The following C3orf33 variants were observed in gnomAD, a reference collection of about 807,000 sequenced individuals.
The protein encoded by C3orf33 is mitochondrial inner membrane subdomain organizer 1, also known as AP-1 activity suppressor.
A neutral mutation model predicts 28.7 loss-of-function variants in C3orf33; 23 were observed. The ratio of observed to expected loss-of-function variants is 0.80; its 90% confidence interval spans 0.58 to 1.13. The LOEUF (loss-of-function observed/expected upper bound fraction) is 1.13. Among genes scored for constraint, C3orf33 ranks in the 50% most tolerant of loss-of-function variants. The probability of loss-of-function intolerance (pLI) is 0.00; values close to 1 mark genes in which losing one functional copy is unlikely to be tolerated. For missense variants in C3orf33, 327 were observed against 353.4 expected (o/e 0.93, Z 0.60); for synonymous variants, 119 against 120.5 (o/e 0.99, Z 0.08).
chr3:155,779,731 G>T (rs1233025519), intron 2 of C3orf33, among the ~76,000 whole-genome samples: 2 of 152,176 alleles, frequency 1.3e-5, no homozygotes, highest in African/African-American at 4.8e-5. Context: ...AGAGTTAAAA[G>T]AAGTAGGATG....
Position 155,763,691 on chromosome 3 carries a change from C to G in C3orf33, c.711G>C (p.Trp237Cys). The G allele has an allele frequency of 1.3e-6, 2 of 1,593,404 alleles. No individual in the cohort carries two copies. Among genetic ancestry groups the G allele is most frequent in the Admixed American group, 3.7e-5 (2 of 54,144 alleles). ...EKFKDSWREI[W>C]KKDSFLKTTG... Reference sequence around the variant, plus strand: ...TTGTTTTTAAAAAACTGTCCTTTTTCCATATTTCTCTCCAGGAATCTTTGA... The same window carrying G: ...TTGTTTTTAAAAAACTGTCCTTTTTGCATATTTCTCTCCAGGAATCTTTGA... The change falls in exon 5 of 5, where the codon TGG becomes TGC. Residue 237 changes from tryptophan to cysteine, a missense_variant. Trp to Cys is a radical substitution (Grantham distance 215). Transcript: ENST00000340171.
chr3:155,784,729 A>T (rs955390271), intron 2 of C3orf33, among the ~76,000 whole-genome samples: 7 of 151,788 alleles, frequency 4.6e-5, no homozygotes, highest in East Asian at 3.9e-4. Context: ...CTGTCTCAAA[A>T]AAAATAAAAT....
At chr3:155,774,687 T>C (rs1307721429) in intron 3 of C3orf33, among the ~76,000 whole-genome samples, 3 of 100,686 alleles carry the variant, frequency 3.0e-5, no homozygotes, top group Admixed American at 1.1e-4. Context: ...TTTTTTTTTT[T>C]AGCTCATCAG....
intron 2 of C3orf33, among the ~76,000 whole-genome samples, chr3:155,797,778 T>G (rs576230277): frequency 6.6e-6 from 1 of 152,102 alleles, no homozygotes; most frequent in Non-Finnish European, 1.5e-5. Context: ...CATCGAAAAC[T>G]ATAATACACT....
intron 2 of C3orf33, 87 bp from the exon 3 acceptor site, chr3:155,775,935 A>G: frequency 1.0e-6 from 1 of 971,062 alleles, no homozygotes; most frequent in Non-Finnish European, 1.6e-6. Flanking sequence ...AACATTTCAC[A>G]AGAGTACATA....
intron 1 of C3orf33, among the ~76,000 whole-genome samples, chr3:155,805,310 C>A (rs530827245): frequency 5.0e-5 from 7 of 141,312 alleles, no homozygotes; most frequent in African/African-American, 1.8e-4. Context: ...AAACAAAAAA[C>A]AAATTAGCCT....
At chr3:155,797,556 C>A (rs926851749) in intron 2 of C3orf33, among the ~76,000 whole-genome samples, 4 of 152,024 alleles carry the variant, frequency 2.6e-5, no homozygotes, top group African/African-American at 9.7e-5. Flanking sequence ...TTCGAAAAAA[C>A]CTAAAGACTC....
At chr3:155,791,897 G>C (rs1352723869) in intron 2 of C3orf33, among the ~76,000 whole-genome samples, 2 of 151,990 alleles carry the variant, frequency 1.3e-5, no homozygotes, top group East Asian at 3.9e-4. Flanking sequence ...CTGAGACTGG[G>C]AGAAGTCACC....
At chr3:155,800,984 C>T (rs73159030) in intron 2 of C3orf33, among the ~76,000 whole-genome samples, 89 of 152,190 alleles carry the variant, frequency 5.8e-4, no homozygotes, top group Middle Eastern at 3.4e-3. Context: ...TTAGTGGTAA[C>T]ATAAAATAGT....
chr3:155,769,434 G>A (rs1396869462), intron 3 of C3orf33, among the ~76,000 whole-genome samples: 6 of 147,400 alleles, frequency 4.1e-5, no homozygotes, highest in Non-Finnish European at 8.9e-5. Context: ...GCTGAAGTGA[G>A]CCAAGATCGC....
Position 155,763,733 on chromosome 3 carries a change from T to A in C3orf33, c.669A>T (p.Glu223Asp), listed in dbSNP as rs764618620. ...AATCTTTGAATTTTTCTAAGTAACT[T>A]TCTTTTTCAGAGTCTTCCTTCCATA... Reference protein sequence around the residue: ...EGIWKEDSEKESYLEKFKDSW... With the variant: ...EGIWKEDSEKDSYLEKFKDSW... Residue 223 changes from glutamate to aspartate, a missense_variant, in exon 5 of 5, where the codon GAA becomes GAT. Transcript: ENST00000340171. 13 of 1,595,304 alleles carry A rather than the reference T, an allele frequency of 8.1e-6. No homozygotes were observed. The highest frequency in any genetic ancestry group is 1.7e-4 in the Middle Eastern group (1 of 5,970).
Position 155,806,268 on chromosome 3 carries a change from C to T in C3orf33, c.-16G>A, listed in dbSNP as rs768014362. 64 of 1,460,644 alleles carry T rather than the reference C, an allele frequency of 4.4e-5. 1 individual carries two copies. The South Asian group carries it at 8.5e-4, about 19-fold the overall frequency. 90.5% of individuals were successfully genotyped at this position (1,460,644 alleles called of 1,614,324 possible). A position where few individuals can be genotyped will look rare whatever the true frequency, so the allele number is the denominator to read the frequency against. On this transcript the variant is annotated 5_prime_UTR_variant, in exon 1 of 5. Coordinates refer to ENST00000340171, the MANE Select transcript of C3orf33 (RefSeq NM_001308229.2). ...GCCCCGCCATGTTCCCGGCCTCCTG[C>T]GAGCGGCCCTGAGCTCCTCCGGCTG... is the stretch of plus-strand genomic sequence containing the variant.
chr3:155,800,090 C>T (rs539649226), intron 2 of C3orf33, among the ~76,000 whole-genome samples: 126 of 151,810 alleles, frequency 8.3e-4, no homozygotes, highest in South Asian at 4.4e-3. Context: ...GTTTGCAACA[C>T]GAAAGAAGAA....
rs1750294187 is a variant in C3orf33, at chr3:155,763,377, ATC to A, written c.*138_*139del. The A allele has an allele frequency of 4.0e-6, 2 of 495,036 alleles. No homozygotes were observed. 30.7% of individuals were successfully genotyped at this position (495,036 alleles called of 1,614,324 possible). A position where few individuals can be genotyped will look rare whatever the true frequency, so the allele number is the denominator to read the frequency against. ...TTCTGACATTATGCTTATAATAATC[ATC>A]TCTTTTTAATATTTAAATACCATTG... is the stretch of plus-strand genomic sequence containing the variant. On this transcript the variant is annotated 3_prime_UTR_variant, in exon 5 of 5. Transcript: ENST00000340171.
At chr3:155,767,806 T>C in intron 3 of C3orf33, 137 bp from the exon 4 acceptor site, 1 of 498,810 alleles carries the variant, frequency 2.0e-6, no homozygotes, top group East Asian at 3.3e-5. Context: ...TGTAGACCCA[T>C]TTATTTCTAT....
At chr3:155,783,466 C>CT (rs1276316643) in intron 2 of C3orf33, among the ~76,000 whole-genome samples, 1 of 91,540 alleles carries the variant, frequency 1.1e-5, no homozygotes, top group African/African-American at 3.2e-5. Context: ...ACCTGTACTA[C>CT]ATTTTTTTTT....
intron 3 of C3orf33, 99 bp from the exon 4 acceptor site, chr3:155,767,768 T>C: frequency 1.3e-6 from 1 of 784,778 alleles, no homozygotes; most frequent in Middle Eastern, 2.4e-4. Flanking sequence ...TATATTATGT[T>C]TATTTATAAA....
chr3:155,795,550 CAA>C (rs1222630623), intron 2 of C3orf33, among the ~76,000 whole-genome samples: 1 of 152,130 alleles, frequency 6.6e-6, no homozygotes, highest in African/African-American at 2.4e-5. Flanking sequence ...AAATCTATAA[CAA>C]GAGGAATCTT....
In C3orf33 at chr3:155,763,426, G is replaced by T; in HGVS notation, c.*91C>A. On this transcript the variant is annotated 3_prime_UTR_variant, in exon 5 of 5. Transcript: ENST00000340171. ...ATTGGACTAACACTTTGATCATTTG[G>T]CAAAACTTCCATTTTGATTCAATGA... is the stretch of plus-strand genomic sequence containing the variant. The T allele has an allele frequency of 3.2e-6, 3 of 947,444 alleles. No homozygotes were observed. Among genetic ancestry groups the T allele is most frequent in the Non-Finnish European group, 4.3e-6 (3 of 697,362 alleles). The allele number at this position is 947,444 out of a possible 1,614,324, so 58.7% of individuals were successfully genotyped here.
Sources: gnomAD v4.1 joint callset for allele counts (sites outside exome capture counted in the v4.1 genomes callset) on GRCh38, gnomAD v4.1.1 for gene constraint, MANE v1.5 for transcripts, NCBI Gene and HGNC (gene_info 2026-07-23, HGNC 2026-07-21) for gene names.